Variants in TENM4 observed in about 807,000 individuals in gnomAD.
TENM4 encodes the protein teneurin transmembrane protein 4.
TENM4 carries 82 observed loss-of-function variants against 243.3 expected under a neutral mutation model. The ratio of observed to expected loss-of-function variants is 0.34; its 90% CI spans 0.28 to 0.40. The LOEUF (loss-of-function observed/expected upper bound fraction) is 0.40. TENM4 is among the 10% of genes least tolerant of loss of function. The pLI is 1.00. For missense variants in TENM4, 3,138 were observed against 3,673.3 expected (o/e 0.85, Z 3.77); for synonymous variants, 1,412 against 1,456.3 (o/e 0.97, Z 0.69).
chr11:79,014,038 T>C (rs1477875301), intron 6 of TENM4, among the ~76,000 whole-genome samples: 2 of 152,100 alleles, frequency 1.3e-5, no homozygotes, highest in African/African-American at 4.8e-5. Context: ...ATTGATTTGT[T>C]TTCTCTGGGC....
chr11:79,019,057 C>T (rs895283311), intron 6 of TENM4, among the ~76,000 whole-genome samples: 12 of 152,092 alleles, frequency 7.9e-5, no homozygotes, highest in East Asian at 1.9e-4. Context: ...CATGGGGAAG[C>T]GAAGCAAAGA....
At chr11:79,378,813 G>T (rs555334347) in intron 1 of TENM4, among the ~76,000 whole-genome samples, 23 of 150,106 alleles carry the variant, frequency 1.5e-4, no homozygotes, top group Admixed American at 3.3e-4. Flanking sequence ...AGCCCAGGAA[G>T]TTGAGGCTGT....
chr11:78,931,809 C>T (rs1277046893), intron 6 of TENM4, among the ~76,000 whole-genome samples: 3 of 152,162 alleles, frequency 2.0e-5, no homozygotes, highest in African/African-American at 4.8e-5. Flanking sequence ...GTTAATGAAA[C>T]GCTGTGCTTT....
intron 3 of TENM4, among the ~76,000 whole-genome samples, chr11:79,188,921 C>G (rs1258299339): frequency 6.6e-6 from 1 of 152,142 alleles, no homozygotes; most frequent in African/African-American, 2.4e-5. Context: ...TTAAACATGT[C>G]ACTGAAATCA....
At chr11:78,693,176 T>A (rs915656138) in intron 28 of TENM4, among the ~76,000 whole-genome samples, 5 of 152,220 alleles carry the variant, frequency 3.3e-5, no homozygotes, top group Admixed American at 6.5e-5. Context: ...AAGAAATTCA[T>A]TTGTTTTGCC....
intron 1 of TENM4, among the ~76,000 whole-genome samples, chr11:79,368,216 A>T (rs1214545050): frequency 6.6e-6 from 1 of 152,160 alleles, no homozygotes; most frequent in Non-Finnish European, 1.5e-5. Flanking sequence ...TTGTTGAATC[A>T]CTGCTCATTC....
intron 21 of TENM4, 68 bp from the exon 22 acceptor site, chr11:78,729,711 G>A: frequency 6.5e-7 from 1 of 1,532,298 alleles, no homozygotes; most frequent in Non-Finnish European, 8.8e-7. Context: ...AAGATGGCGT[G>A]GCCCCATGGA....
chr11:78,926,275 C>CTT (rs34301647), intron 6 of TENM4, among the ~76,000 whole-genome samples: 1,281 of 127,258 alleles, frequency 0.01, 22 homozygotes, highest in African/African-American at 0.032. Flanking sequence ...AAAGAACTGA[C>CTT]TTTTTTTTTT....
intron 2 of TENM4, among the ~76,000 whole-genome samples, chr11:79,261,759 C>T (rs974594672): frequency 7.2e-5 from 11 of 152,144 alleles, no homozygotes; most frequent in African/African-American, 2.4e-4. Flanking sequence ...CAGATCTTGA[C>T]AAAACAAAGC....
intron 6 of TENM4, among the ~76,000 whole-genome samples, chr11:78,990,084 T>TTTGGCA (rs1408595577): frequency 1.3e-5 from 2 of 149,124 alleles, no homozygotes; most frequent in East Asian, 3.9e-4. Flanking sequence ...AAAAAGATGA[T>TTTGGCA]TTGGCATTTT....
intron 18 of TENM4, among the ~76,000 whole-genome samples, chr11:78,758,367 G>A (rs1856358003): frequency 6.6e-6 from 1 of 152,182 alleles, no homozygotes; most frequent in African/African-American, 2.4e-5. Context: ...GTCCATAAAA[G>A]CCAGAAAACT....
At chr11:78,778,773 C>A in intron 16 of TENM4, 145 bp from the exon 17 acceptor site, 1 of 686,556 alleles carries the variant, frequency 1.5e-6, no homozygotes, top group Non-Finnish European at 2.5e-6. Flanking sequence ...GAAAATAAAA[C>A]CAAAGACAGG....
chr11:79,056,627 G>C (rs1859951528), intron 6 of TENM4, among the ~76,000 whole-genome samples: 1 of 152,070 alleles, frequency 6.6e-6, no homozygotes, highest in African/African-American at 2.4e-5. Context: ...GGGAAGCTGA[G>C]ATTGTATCAA....
At chr11:79,038,995 T>C (rs764666065) in intron 6 of TENM4, among the ~76,000 whole-genome samples, 5 of 152,216 alleles carry the variant, frequency 3.3e-5, no homozygotes, top group African/African-American at 9.6e-5. Flanking sequence ...GTATTTAGCA[T>C]GCTGAAGCAA....
intron 6 of TENM4, among the ~76,000 whole-genome samples, chr11:79,038,816 G>T (rs1414930213): frequency 6.6e-6 from 1 of 152,212 alleles, no homozygotes; most frequent in Non-Finnish European, 1.5e-5. Context: ...CAGGTAGGTT[G>T]CAAGAAGCCT....
chr11:79,314,575 T>C (rs1257018502), intron 1 of TENM4, among the ~76,000 whole-genome samples: 1 of 152,238 alleles, frequency 6.6e-6, no homozygotes, highest in African/African-American at 2.4e-5. Flanking sequence ...GTTACACAGA[T>C]AAATGTCAGT....
chr11:79,261,631 T>C (rs79417252), intron 2 of TENM4, among the ~76,000 whole-genome samples: 5,134 of 152,004 alleles, frequency 0.034, 264 homozygotes, highest in East Asian at 0.13. Flanking sequence ...GCTGGGAATA[T>C]ACAGAGAGAG....
chr11:79,060,714 G>T (rs1204845960), intron 6 of TENM4, among the ~76,000 whole-genome samples: 1 of 152,192 alleles, frequency 6.6e-6, no homozygotes, highest in African/African-American at 2.4e-5. Context: ...TGACTCGCAG[G>T]CTATTGTGTC....
chr11:79,406,212 C>T (rs935703027), intron 1 of TENM4, among the ~76,000 whole-genome samples: 3 of 152,170 alleles, frequency 2.0e-5, no homozygotes, highest in African/African-American at 7.2e-5. Flanking sequence ...TGCCACACCC[C>T]CAGCCTATCT....
Sources: allele counts gnomAD v4.1 joint callset (sites outside exome capture counted in the v4.1 genomes callset), GRCh38; gene constraint gnomAD v4.1.1; transcripts MANE v1.5; gene names NCBI Gene and HGNC (gene_info 2026-07-23, HGNC 2026-07-21).